The following FTCDNL1 variants were observed in gnomAD, a reference collection of about 807,000 sequenced individuals.
FTCDNL1 encodes formiminotransferase cyclodeaminase N-terminal like.
FTCDNL1 carries 11 observed loss-of-function variants against 5.9 expected under a neutral mutation model. The ratio of observed to expected loss-of-function variants is 1.87; its 90% confidence interval spans 1.18 to 3.10. The LOEUF is 3.10. Among genes scored for constraint, FTCDNL1 ranks in the 30% most tolerant of loss-of-function variants. The probability of loss-of-function intolerance (pLI) is 0.00; values close to 1 mark genes in which losing one functional copy is unlikely to be tolerated. For synonymous variants in FTCDNL1, 58 were observed against 24.8 expected, an observed-to-expected ratio of 2.34 and a Z score of -3.99; for missense variants, 115 against 65.5, an observed-to-expected ratio of 1.76 and a Z score of -2.61.
chr2:199,720,745 C>G, the FTCDNL1 span, among the ~76,000 whole-genome samples: 1 of 152,044 alleles, frequency 6.6e-6, no homozygotes, highest in Admixed American at 6.6e-5. Flanking sequence ...TCTGCAAAGA[C>G]CTTTTTTCAA....
Position 199,812,111 on chromosome 2 carries a change from TTTAG to T in FTCDNL1, c.*590_*593del, listed in dbSNP as rs1390876147. Reference sequence around the variant, plus strand: ...TGTATTTTAAATTCTTCTAGTAAGCTTTAGTTACACAATATTTTTGTTTTATTAC... The same window carrying T: ...TGTATTTTAAATTCTTCTAGTAAGCTTTACACAATATTTTTGTTTTATTAC... On this transcript the variant is annotated 3_prime_UTR_variant, in exon 5 of 5. Transcript: ENST00000420128. Among the ~76,000 whole-genome samples the T allele has an allele frequency of 5.9e-5, 9 of 152,222 alleles. No individual in the cohort carries two copies. The highest frequency in any genetic ancestry group is 3.3e-4 in the Admixed American group (5 of 15,276).
At chr2:199,804,580 T>C (rs548678658), downstream of FTCDNL1, among the ~76,000 whole-genome samples, 6 of 152,096 alleles carry the variant, frequency 3.9e-5, no homozygotes, top group Non-Finnish European at 7.4e-5. Flanking sequence ...GTGGAAAAAA[T>C]AGCACGAATT....
chr2:199,669,222 G>A, the FTCDNL1 span, among the ~76,000 whole-genome samples: 18 of 152,120 alleles, frequency 1.2e-4, no homozygotes, highest in African/African-American at 4.1e-4. Context: ...TTCTGCCTTT[G>A]AGAAGAGACT....
chr2:199,819,560 C>A lies in FTCDNL1; in HGVS notation c.397+12G>T. On this transcript the variant is annotated intron_variant, in intron 4 of 4. Coordinates refer to ENST00000420128, the MANE Select transcript of FTCDNL1 (RefSeq NM_001363886.2). ...AAAAAAAACAGAGCAAAGCAAAAAC[C>A]ATGCTCAGAACCTGTTAAACCACAT... is the stretch of plus-strand genomic sequence containing the variant. 1 of 700,160 alleles carries A rather than the reference C, an allele frequency of 1.4e-6. No homozygotes were observed. The highest frequency in any genetic ancestry group is 2.0e-5 in the Admixed American group (1 of 49,566). 43.4% of individuals were successfully genotyped at this position (700,160 alleles called of 1,614,324 possible).
the FTCDNL1 span, among the ~76,000 whole-genome samples, chr2:199,722,212 C>G: frequency 1.3e-5 from 2 of 151,408 alleles, no homozygotes; most frequent in African/African-American, 4.8e-5. Flanking sequence ...GTGCCTATGT[C>G]CTGAATGGTA....
chr2:199,785,598 A>T (rs557273853), intron 3 of FTCDNL1: 1 of 152,060 alleles, frequency 6.6e-6, no homozygotes, highest in Non-Finnish European at 1.5e-5. Flanking sequence ...TTATTTCAAA[A>T]TACATTTTTA....
intron 3 of FTCDNL1, among the ~76,000 whole-genome samples, chr2:199,834,312 G>T (rs1426718561): frequency 6.6e-6 from 1 of 152,118 alleles, no homozygotes; most frequent in African/African-American, 2.4e-5. Context: ...AGGATTGTGA[G>T]ACAATAAATC....
intron 3 of FTCDNL1, among the ~76,000 whole-genome samples, chr2:199,784,670 G>T (rs547573456): frequency 4.1e-4 from 62 of 152,316 alleles, no homozygotes; most frequent in African/African-American, 1.4e-3. Flanking sequence ...CCTCAGACTT[G>T]CCCCAATTGA....
chr2:199,683,052 G>A, the FTCDNL1 span, among the ~76,000 whole-genome samples: 12 of 152,112 alleles, frequency 7.9e-5, no homozygotes, highest in Middle Eastern at 3.2e-3. Context: ...AAAGACTGAA[G>A]TCCCTTTCTT....
At chr2:199,792,469 T>C (rs994243474) in intron 3 of FTCDNL1, among the ~76,000 whole-genome samples, 3 of 152,138 alleles carry the variant, frequency 2.0e-5, no homozygotes, top group African/African-American at 7.2e-5. Flanking sequence ...CCACTGGTAC[T>C]ATACTTAGGG....
rs1701559216 is a variant in FTCDNL1 at position 199,819,562 on chromosome 2, T to C, written c.397+10A>G. ...AAAAAACAGAGCAAAGCAAAAACCA[T>C]GCTCAGAACCTGTTAAACCACATCT... On this transcript the variant is annotated intron_variant, in intron 4 of 4. Coordinates refer to ENST00000420128, the MANE Select transcript of FTCDNL1 (RefSeq NM_001363886.2). The C allele has an allele frequency of 1.4e-6, 1 of 693,874 alleles. No individual in the cohort carries two copies. 43.0% of individuals were successfully genotyped at this position (693,874 alleles called of 1,614,324 possible).
the FTCDNL1 span, among the ~76,000 whole-genome samples, chr2:199,712,624 G>C: frequency 1.3e-5 from 2 of 152,174 alleles, no homozygotes; most frequent in African/African-American, 4.8e-5. Flanking sequence ...TCCTAGCTCT[G>C]GCAGCCAGAA....
chr2:199,678,252 T>C, the FTCDNL1 span, among the ~76,000 whole-genome samples: 24 of 152,192 alleles, frequency 1.6e-4, no homozygotes, highest in African/African-American at 5.1e-4. Context: ...CAAAACAAAA[T>C]GATGATCAGT....
At chr2:199,845,872 A>G (rs1574702248) in intron 3 of FTCDNL1, among the ~76,000 whole-genome samples, 2 of 152,106 alleles carry the variant, frequency 1.3e-5, no homozygotes, top group Admixed American at 6.5e-5. Context: ...TTGGACCCCA[A>G]GGTTCACTGT....
the FTCDNL1 span, among the ~76,000 whole-genome samples, chr2:199,718,753 G>A: frequency 9.2e-5 from 14 of 152,264 alleles, no homozygotes; most frequent in African/African-American, 3.1e-4. Context: ...CCAGACTGGT[G>A]TAAGACGCTA....
the FTCDNL1 span, among the ~76,000 whole-genome samples, chr2:199,729,018 G>A: frequency 1.3e-5 from 2 of 152,130 alleles, no homozygotes; most frequent in African/African-American, 2.4e-5. Context: ...AATATGGGTC[G>A]ACTATACAAT....
the FTCDNL1 span, among the ~76,000 whole-genome samples, chr2:199,680,659 T>G: frequency 6.6e-6 from 1 of 152,104 alleles, no homozygotes; most frequent in Non-Finnish European, 1.5e-5. Context: ...TTTGTCATAG[T>G]TAGAGCAGTC....
At chr2:199,774,800 T>TTA (rs1426113591) in intron 3 of FTCDNL1, among the ~76,000 whole-genome samples, 2 of 152,116 alleles carry the variant, frequency 1.3e-5, no homozygotes, top group African/African-American at 4.8e-5. Context: ...AAGAATCTCT[T>TTA]TATATGTTCC....
the FTCDNL1 span, among the ~76,000 whole-genome samples, chr2:199,742,197 G>A: frequency 6.6e-6 from 1 of 151,750 alleles, no homozygotes; most frequent in Non-Finnish European, 1.5e-5. Context: ...TCAAATTCAA[G>A]TCAAGTCTTC....
Sources: allele counts gnomAD v4.1 joint callset (sites outside exome capture counted in the v4.1 genomes callset), GRCh38; gene constraint gnomAD v4.1.1; transcripts MANE v1.5; gene names NCBI Gene and HGNC (gene_info 2026-07-23, HGNC 2026-07-21).